The following ANKRD30A variants were observed in gnomAD, a reference collection of about 807,000 sequenced individuals.
ANKRD30A encodes the protein ankyrin repeat domain 30A, also known as ankyrin repeat domain-containing protein 30A.
Under a neutral mutation model 166.3 loss-of-function variants are expected in ANKRD30A, and 170 were observed. The observed-to-expected ratio is 1.02, with a 90% confidence interval of 0.90 to 1.16. The LOEUF is 1.16. Ranked by LOEUF, ANKRD30A falls within the 50% of genes most tolerant of loss-of-function variation. The pLI is 0.00. For missense variants in ANKRD30A, 1,630 were observed against 1,518.0 expected (o/e 1.07, Z -1.23); for synonymous variants, 564 against 508.9 (o/e 1.11, Z -1.46).
chr10:37,164,944 A>G (rs1839192799), intron 17 of ANKRD30A, 150 bp from the exon 18 acceptor site: 16 of 756,874 alleles, frequency 2.1e-5, no homozygotes, highest in East Asian at 5.6e-5. Flanking sequence ...TGGAATGACT[A>G]TAGAAGTAGT....
At chr10:37,162,996 G>A in intron 17 of ANKRD30A, 148 bp downstream of exon 17, 1 of 1,090,004 alleles carries the variant, frequency 9.2e-7, no homozygotes, top group Non-Finnish European at 1.3e-6. Context: ...TGTTTGAAAA[G>A]CTGGTATTAC....
At position 37,141,729 on chromosome 10, in the gene ANKRD30A, G is replaced by T; in HGVS notation, c.832G>T (p.Ala278Ser). Residue 278 changes from alanine (A) to serine (S), a missense_variant, in exon 7 of 36, where the codon GCA (alanine) becomes TCA (serine). By Grantham distance (99) the Ala-to-Ser change is moderately conservative. This residue lies in a region of ANKRD30A where 904 missense variants were observed against 818.5 expected (regional missense o/e 1.10). Coordinates refer to ENST00000361713, the MANE Select transcript of ANKRD30A (RefSeq NM_052997.3). ...HQNTNPEGTS[A>S]GTPDEAAPLA... The stretch of plus-strand genomic sequence containing the variant: ...TGTGTGTTTGGCAGAAGGAACATCT[G>T]CAGGAACACCTGATGAGGCTGCACC... 1 of 1,611,952 alleles carries T rather than the reference G, an allele frequency of 6.2e-7. No homozygotes were observed.
At chr10:37,235,984 G>A (rs1051621211), downstream of ANKRD30A, among the ~76,000 whole-genome samples, 11 of 151,962 alleles carry the variant, frequency 7.2e-5, no homozygotes, top group African/African-American at 2.4e-4. Context: ...TAGCCAGGAT[G>A]GTCTCGATCT....
intron 19 of ANKRD30A, among the ~76,000 whole-genome samples, chr10:37,167,396 T>A (rs1839442509): frequency 6.6e-6 from 1 of 150,916 alleles, no homozygotes; most frequent in South Asian, 2.1e-4. Context: ...GGAAGCAAAT[T>A]GTGTTGGTAA....
intron 31 of ANKRD30A, among the ~76,000 whole-genome samples, 199 bp from the exon 32 acceptor site, chr10:37,215,982 G>C (rs1842581509): frequency 6.7e-6 from 1 of 148,700 alleles, no homozygotes; most frequent in South Asian, 2.1e-4. Flanking sequence ...CTGGGGCTTT[G>C]CTTTTCAGTA....
intron 19 of ANKRD30A, among the ~76,000 whole-genome samples, chr10:37,166,996 A>G (rs2788631): frequency 3.2e-4 from 49 of 152,180 alleles, no homozygotes; most frequent in Admixed American, 1.2e-3. Context: ...AAGACAGAGC[A>G]TACAGAGAGT....
chr10:37,148,340 A>T (rs1178838173), intron 9 of ANKRD30A, among the ~76,000 whole-genome samples: 2 of 152,156 alleles, frequency 1.3e-5, no homozygotes, highest in African/African-American at 4.8e-5. Context: ...AAGAAGAATA[A>T]AAAGATAAAG....
the ANKRD30A span, among the ~76,000 whole-genome samples, chr10:37,250,175 T>C: frequency 4.6e-5 from 7 of 152,194 alleles, no homozygotes; most frequent in African/African-American, 1.7e-4. Context: ...TACATATTGC[T>C]TATTTACCAA....
intron 7 of ANKRD30A, among the ~76,000 whole-genome samples, chr10:37,142,567 A>C (rs917908836): frequency 7.7e-6 from 1 of 129,526 alleles, no homozygotes; most frequent in Non-Finnish European, 1.6e-5. Flanking sequence ...TCATAGGATC[A>C]CACTTTTTTT....
At chr10:37,232,654 T>TATATA (rs71007625), downstream of ANKRD30A, 98 of 54,200 alleles carry the variant, frequency 1.8e-3, 5 homozygotes, top group African/African-American at 5.8e-3. Flanking sequence ...AGCATTGGTT[T>TATATA]TATATATATA....
chr10:37,183,081 C>T (rs1372301956), intron 24 of ANKRD30A, among the ~76,000 whole-genome samples: 1 of 148,944 alleles, frequency 6.7e-6, no homozygotes, highest in Non-Finnish European at 1.5e-5. Flanking sequence ...CACTAAAAGT[C>T]GACATTAAAT....
At chr10:37,240,647 G>A in the ANKRD30A span, among the ~76,000 whole-genome samples, 44 of 152,156 alleles carry the variant, frequency 2.9e-4, no homozygotes, top group African/African-American at 1.0e-3. Flanking sequence ...ATCTTCCTCA[G>A]CTCCAGCTCT....
chr10:37,184,009 G>A (rs1373317523), intron 24 of ANKRD30A, among the ~76,000 whole-genome samples: 3 of 151,840 alleles, frequency 2.0e-5, no homozygotes, highest in South Asian at 4.2e-4. Context: ...TTAGCCGGAC[G>A]TGGTGGCACG....
At chr10:37,162,929 AT>A in intron 17 of ANKRD30A, 81 bp downstream of exon 17, 12 of 1,516,048 alleles carry the variant, frequency 7.9e-6, no homozygotes, top group South Asian at 4.9e-5. Flanking sequence ...CCAATGGTTT[AT>A]TTTTTTCAAC....
intron 12 of ANKRD30A, among the ~76,000 whole-genome samples, chr10:37,152,967 A>C (rs938778264): frequency 1.3e-5 from 2 of 152,112 alleles, no homozygotes; most frequent in Non-Finnish European, 2.9e-5. Context: ...TTTTTTTCTT[A>C]CTGCATTTAC....
Position 37,231,470 on chromosome 10 carries a change from G to T in ANKRD30A, c.*1G>T. On this transcript the variant is annotated 3_prime_UTR_variant, in exon 35 of 36. Coordinates refer to ENST00000361713, the MANE Select transcript of ANKRD30A (RefSeq NM_052997.3). ...TTTGCAATCTTCACAGAACTCATGA[G>T]AGACAAGCAGTAAGAAACTTCTTTT... 6.3e-7 allele frequency: 1 copy of T among 1,586,678 alleles called. No homozygotes were observed. Among genetic ancestry groups the T allele is most frequent in the South Asian group, 1.2e-5 (1 of 86,618 alleles).
Position 37,219,706 on chromosome 10 carries a change from T to G in ANKRD30A, c.3994T>G (p.Trp1332Gly). The change falls in exon 34 of 36, where the codon TGG becomes GGG. Residue 1332 changes from tryptophan to glycine, a missense_variant. Trp to Gly is a radical substitution (Grantham distance 184). Coordinates refer to ENST00000361713, the MANE Select transcript of ANKRD30A (RefSeq NM_052997.3). ...ATTTCAACTACAAAGCAAAAATATG[T>G]GGCTTCAACAGCAATTAGTTCATGC... ...KLFQLQSKNM[W>G]LQQQLVHAHK... is the part of the protein sequence containing the mutation. 1 of 1,609,322 alleles carries G rather than the reference T, an allele frequency of 6.2e-7. No individual in the cohort carries two copies. Among genetic ancestry groups the G allele is most frequent in the South Asian group, 1.1e-5 (1 of 90,888 alleles).
Position 37,193,223 on chromosome 10 carries a change from C to T in ANKRD30A, c.2579C>T (p.Ala860Val), listed in dbSNP as rs1446974561. ...ATGAAAGTTTCTATTCCAACTAAAGCCTTAGAATTGATGGACATGCAAACT... is the reference window on the plus strand; with the variant it reads ...ATGAAAGTTTCTATTCCAACTAAAGTCTTAGAATTGATGGACATGCAAACT... ...CRMKVSIPTK[A>V]LELMDMQTFK... Residue 860 changes from alanine to valine, a missense_variant, in exon 27 of 36, where the codon GCC (alanine) becomes GTC (valine). Physicochemically the swap from Ala to Val is moderately conservative, Grantham distance 64 (BLOSUM62 0). Coordinates refer to ENST00000361713, the MANE Select transcript of ANKRD30A (RefSeq NM_052997.3). The T allele has an allele frequency of 6.2e-7, 1 of 1,611,632 alleles. No homozygotes were observed.
chr10:37,229,450 A>G (rs1168931811), intron 34 of ANKRD30A, among the ~76,000 whole-genome samples: 1 of 152,008 alleles, frequency 6.6e-6, no homozygotes, highest in Non-Finnish European at 1.5e-5. Flanking sequence ...GCTCAAATCA[A>G]GATAACTAAT....
Sources: gnomAD v4.1 joint callset for allele counts (sites outside exome capture counted in the v4.1 genomes callset) on GRCh38, gnomAD v4.1.1 for gene constraint, gnomAD v4.1.1 regional missense constraint, MANE v1.5 for transcripts, NCBI Gene and HGNC (gene_info 2026-07-23, HGNC 2026-07-21) for gene names.